PHKG2: variants seen among roughly 807,000 people sequenced by gnomAD.
The protein encoded by PHKG2 is phosphorylase b kinase gamma catalytic chain, liver/testis isoform.
Under a neutral mutation model 44.5 loss-of-function variants are expected in PHKG2, and 28 were observed. The ratio of observed to expected loss-of-function variants is 0.63; its 90% CI spans 0.47 to 0.86. The LOEUF (loss-of-function observed/expected upper bound fraction) is 0.86, where lower values mean the gene tolerates loss of function less well. Ranked by LOEUF, PHKG2 falls within the 40% of genes least tolerant of loss-of-function variation. The pLI is 0.00. For missense variants in PHKG2, 498 were observed against 547.5 expected (o/e 0.91, Z 0.90); for synonymous variants, 220 against 211.2 (o/e 1.04, Z -0.36).
In PHKG2 at chr16:30,759,692, G is replaced by A. The variant is rs374340751; in HGVS notation, c.*2595G>A. The A allele has an allele frequency of 4.3e-6, 7 of 1,613,644 alleles. No homozygotes were observed. The highest frequency in any genetic ancestry group is 2.2e-5 in the East Asian group (1 of 44,886). On this transcript the variant is annotated 3_prime_UTR_variant, in exon 10 of 10. Transcript: ENST00000563588. ...CAAAAAAGGACACTGGTGAAGTAGC[G>A]GTAGCACTCCTCCACGTTGCCCAAG... is the stretch of plus-strand genomic sequence containing the variant.
chr16:30,760,097 G>C lies in PHKG2; in HGVS notation c.*3000G>C, dbSNP rs771123082. On this transcript the variant is annotated 3_prime_UTR_variant, in exon 10 of 10. Coordinates refer to ENST00000563588, the MANE Select transcript of PHKG2 (RefSeq NM_000294.3). ...TTCTCAGAACAGTCCTGTAAAATGT[G>C]TGCTGTATCCTTAATTTCTAGATAA... The C allele has an allele frequency of 1.3e-6, 2 of 1,538,714 alleles. No individual in the cohort carries two copies. Among genetic ancestry groups the C allele is most frequent in the Admixed American group, 3.9e-5 (2 of 51,130 alleles).
At chr16:30,756,747 T>C (rs2053434388) in intron 9 of PHKG2, 32 bp downstream of exon 9, 1 of 1,613,914 alleles carries the variant, frequency 6.2e-7, no homozygotes, top group Non-Finnish European at 8.5e-7. Flanking sequence ...TCTGGGCCCG[T>C]TTCTCTGTCC....
Position 30,757,677 on chromosome 16 carries a change from G to A in PHKG2, c.*580G>A. 7 of 1,599,422 alleles carry A rather than the reference G, an allele frequency of 4.4e-6. No individual in the cohort carries two copies. Among genetic ancestry groups the A allele is most frequent in the Non-Finnish European group, 6.0e-6 (7 of 1,171,376 alleles). ...GGCCTGCAGGGGCAGGGAAGAAGGG[G>A]CAGGGTGAGGAGAGATGCTGTCTGG... On this transcript the variant is annotated 3_prime_UTR_variant, in exon 10 of 10. Transcript: ENST00000563588.
rs1445358264 is a variant in PHKG2, at chr16:30,759,527, A to G, written c.*2430A>G. The stretch of plus-strand genomic sequence containing the variant: ...GCCCTGGCTTTGCCTCCAAAAGCCC[A>G]GCAACAGGAGCAAGGAGAGCCCACT... On this transcript the variant is annotated 3_prime_UTR_variant, in exon 10 of 10. Transcript: ENST00000563588. 7.4e-6 allele frequency: 12 copies of G among 1,614,084 alleles called. No individual in the cohort carries two copies. In the Admixed American group the frequency reaches 2.0e-4, roughly 27 times the overall value.
At chr16:30,756,025 G>A (rs538257505) in intron 6 of PHKG2, among the ~76,000 whole-genome samples, 157 bp from the exon 7 acceptor site, 92 of 152,252 alleles carry the variant, frequency 6.0e-4, no homozygotes, top group African/African-American at 2.1e-3. Context: ...GTTGCGCAGG[G>A]ATAGTGCCTC....
At position 30,760,960 on chromosome 16, in the gene PHKG2, A is replaced by C; in HGVS notation, c.*3863A>C. The C allele has an allele frequency of 1.6e-6, 1 of 612,728 alleles. No individual in the cohort carries two copies. The allele number at this position is 612,728 out of a possible 1,614,324, so 38.0% of individuals were successfully genotyped here. ...GGCCCTCAGTGTCCCCCTCTGTACAATACTCCTTAGCGGCCATGAGACTCC... is the reference window on the plus strand; with the variant it reads ...GGCCCTCAGTGTCCCCCTCTGTACACTACTCCTTAGCGGCCATGAGACTCC... On this transcript the variant is annotated 3_prime_UTR_variant, in exon 10 of 10. Coordinates refer to ENST00000563588, the MANE Select transcript of PHKG2 (RefSeq NM_000294.3).
chr16:30,749,547 T>C (rs2053317851), intron 2 of PHKG2, among the ~76,000 whole-genome samples: 1 of 151,692 alleles, frequency 6.6e-6, no homozygotes, highest in Non-Finnish European at 1.5e-5. Context: ...CGTTTCACCA[T>C]ATTGGCCACG....
rs371298131 is a variant in PHKG2, at chr16:30,756,728, G to A, written c.927+13G>A. ...CCAGCGGTTCCGGGTAAGCCTGAGT[G>A]TATCAGGGTCTGGGCCCGTTTCTCT... On this transcript the variant is annotated intron_variant, in intron 9 of 9. Transcript: ENST00000563588. 1.2e-5 allele frequency: 19 copies of A among 1,614,104 alleles called. No individual in the cohort carries two copies. The South Asian group carries it at 1.6e-4, about 14-fold the overall frequency.
intron 2 of PHKG2, among the ~76,000 whole-genome samples, chr16:30,749,340 TTTTGTTTG>T (rs771641946): frequency 6.6e-6 from 1 of 151,800 alleles, no homozygotes; most frequent in African/African-American, 2.4e-5. Flanking sequence ...GGATAGTTGG[TTTTGTTTG>T]TTTGTTTGTT....
In PHKG2 at chr16:30,758,392, T is replaced by C. The variant is rs1238398753; in HGVS notation, c.*1295T>C. 3 of 153,734 alleles carry C rather than the reference T, an allele frequency of 2.0e-5. No individual in the cohort carries two copies. Among genetic ancestry groups the C allele is most frequent in the Non-Finnish European group, 4.3e-5 (3 of 69,112 alleles). The allele number at this position is 153,734 out of a possible 1,614,324, so 9.5% of individuals were successfully genotyped here. ...GGCCTGTTCTTTGTTTTTTTTTAACTCTTAAGTTCTGGGATACGAGCAGAA... is the reference window on the plus strand; with the variant it reads ...GGCCTGTTCTTTGTTTTTTTTTAACCCTTAAGTTCTGGGATACGAGCAGAA... On this transcript the variant is annotated 3_prime_UTR_variant, in exon 10 of 10. Transcript: ENST00000563588.
rs1281978482 is a variant in PHKG2 at position 30,756,731 on chromosome 16, T to TCAGG, written c.927+17_927+20dup. Reference sequence around the variant, plus strand: ...GCGGTTCCGGGTAAGCCTGAGTGTATCAGGGTCTGGGCCCGTTTCTCTGTC... The same window carrying TCAGG: ...GCGGTTCCGGGTAAGCCTGAGTGTATCAGGCAGGGTCTGGGCCCGTTTCTCTGTC... On this transcript the variant is annotated intron_variant, in intron 9 of 9. Coordinates refer to ENST00000563588, the MANE Select transcript of PHKG2 (RefSeq NM_000294.3). 6.2e-7 allele frequency: 1 copy of TCAGG among 1,613,952 alleles called. No individual in the cohort carries two copies. The highest frequency in any genetic ancestry group is 1.7e-5 in the Admixed American group (1 of 60,014).
rs2053424484 is a variant in PHKG2, at chr16:30,756,285, T to A, written c.647+13T>A. On this transcript the variant is annotated intron_variant, in intron 7 of 9. Transcript: ENST00000563588. ...AGGAGGTCGACCTGTGAGTTCCTGG[T>A]CTCCCCCTCCCTCCCGTGCTTGCTG... 5 of 1,613,852 alleles carry A rather than the reference T, an allele frequency of 3.1e-6. No individual in the cohort carries two copies. Among genetic ancestry groups the A allele is most frequent in the Non-Finnish European group, 4.2e-6 (5 of 1,179,814 alleles).
intron 6 of PHKG2, 108 bp downstream of exon 6, chr16:30,753,665 A>G (rs550246933): frequency 9.0e-7 from 1 of 1,109,000 alleles, no homozygotes; most frequent in African/African-American, 1.5e-5. Context: ...AAAAGGGAGA[A>G]GTCATTGGGC....
At chr16:30,755,547 G>A (rs1338030184) in intron 6 of PHKG2, among the ~76,000 whole-genome samples, 3 of 151,968 alleles carry the variant, frequency 2.0e-5, no homozygotes, top group South Asian at 2.1e-4. Context: ...GTGGTGGCAC[G>A]TGCCTGTAAT....
intron 4 of PHKG2, 189 bp downstream of exon 4, chr16:30,751,792 A>G: frequency 1.4e-6 from 1 of 708,666 alleles, no homozygotes; most frequent in Non-Finnish European, 2.6e-6. Context: ...ATTGAGGCAA[A>G]TTCTTTAATA....
At chr16:30,755,270 T>TTA (rs1455541153) in intron 6 of PHKG2, 2 of 187,348 alleles carry the variant, frequency 1.1e-5, no homozygotes, top group African/African-American at 4.7e-5. Flanking sequence ...AATACAGACT[T>TTA]GGATAAAGTT....
Position 30,761,044 on chromosome 16 carries a change from G to A in PHKG2, c.*3947G>A. ...CACTGCCTCCTCTTTGGACTGGAGA[G>A]GCTGGAAAGCCAACTTCCAGTCACC... On this transcript the variant is annotated 3_prime_UTR_variant, in exon 10 of 10. Coordinates refer to ENST00000563588, the MANE Select transcript of PHKG2 (RefSeq NM_000294.3). 8.8e-6 allele frequency: 7 copies of A among 795,486 alleles called. No individual in the cohort carries two copies. The highest frequency in any genetic ancestry group is 1.7e-5 in the African/African-American group (1 of 57,676). 49.3% of individuals were successfully genotyped at this position (795,486 alleles called of 1,614,324 possible).
chr16:30,759,688 T>A lies in PHKG2; in HGVS notation c.*2591T>A. 1 of 1,613,794 alleles carries A rather than the reference T, an allele frequency of 6.2e-7. No individual in the cohort carries two copies. The highest frequency in any genetic ancestry group is 8.5e-7 in the Non-Finnish European group (1 of 1,179,916). On this transcript the variant is annotated 3_prime_UTR_variant, in exon 10 of 10. Transcript: ENST00000563588. The stretch of plus-strand genomic sequence containing the variant: ...ATGGCAAAAAAGGACACTGGTGAAG[T>A]AGCGGTAGCACTCCTCCACGTTGCC...
Position 30,759,578 on chromosome 16 carries a change from G to A in PHKG2, c.*2481G>A. On this transcript the variant is annotated 3_prime_UTR_variant, in exon 10 of 10. Coordinates refer to ENST00000563588, the MANE Select transcript of PHKG2 (RefSeq NM_000294.3). ...GGGGTCTTCACAAGAAGATAAGGGT[G>A]ATGAATGTGAGAGAGACTGGGTGAG... 1 of 1,614,104 alleles carries A rather than the reference G, an allele frequency of 6.2e-7. No individual in the cohort carries two copies. Among genetic ancestry groups the A allele is most frequent in the Non-Finnish European group, 8.5e-7 (1 of 1,179,996 alleles).
Sources: allele counts gnomAD v4.1 joint callset (sites outside exome capture counted in the v4.1 genomes callset), GRCh38; gene constraint gnomAD v4.1.1; transcripts MANE v1.5; gene names NCBI Gene and HGNC (gene_info 2026-07-23, HGNC 2026-07-21).